Variants in LANCL2 observed in about 807,000 individuals in gnomAD.
LANCL2 encodes LanC like glutathione S-transferase 2, also known as lanC-like protein 2.
In LANCL2, 33 loss-of-function variants were observed where a neutral mutation model predicts 56.9. The ratio of observed to expected loss-of-function variants is 0.58; its 90% CI spans 0.44 to 0.78. LANCL2 has a LOEUF of 0.78. Among genes scored for constraint, LANCL2 ranks in the 30% least tolerant of loss-of-function variants. The pLI, the probability that LANCL2 is intolerant of heterozygous loss-of-function variation, is 0.00. For synonymous variants in LANCL2, 233 were observed against 228.2 expected, an observed-to-expected ratio of 1.02 and a Z score of -0.19; for missense variants, 562 against 580.2, an observed-to-expected ratio of 0.97 and a Z score of 0.32.
intron 5 of LANCL2, among the ~76,000 whole-genome samples, chr7:55,409,130 C>A (rs7776510): frequency 4.0e-5 from 6 of 149,330 alleles, no homozygotes; most frequent in Admixed American, 1.3e-4. Flanking sequence ...GCTCTGTTGC[C>A]CAGGCTGGAG....
intron 5 of LANCL2, among the ~76,000 whole-genome samples, chr7:55,402,726 G>C: frequency 7.9e-6 from 1 of 126,440 alleles, no homozygotes; most frequent in Non-Finnish European, 1.8e-5. Context: ...CCCAGACGGG[G>C]TGGCTGCCGG....
At chr7:55,371,174 C>G (rs1353649303) in intron 1 of LANCL2, among the ~76,000 whole-genome samples, 1 of 152,184 alleles carries the variant, frequency 6.6e-6, no homozygotes, top group African/African-American at 2.4e-5. Context: ...CATTTCCTCT[C>G]CTTCCTTCAA....
At chr7:55,417,180 C>T (rs897576972) in intron 6 of LANCL2, among the ~76,000 whole-genome samples, 3 of 151,982 alleles carry the variant, frequency 2.0e-5, no homozygotes, top group Admixed American at 6.6e-5. Flanking sequence ...GGGGTTTCAC[C>T]GTGTTAGCCG....
At position 55,416,972 on chromosome 7, in the gene LANCL2, T is replaced by TTTTTTTTTG. The variant is rs1361447248; in HGVS notation, c.1008+4891_1008+4892insGTTTTTTTT. On this transcript the variant is annotated intron_variant, in intron 6 of 8. Transcript: ENST00000254770. ...ACATGAGGTAACAAACGAGGTGGTT[T>TTTTTTTTTG]TTTTTTTTTTTTTTTTTTTTTTTTG... is the stretch of plus-strand genomic sequence containing the variant. Among the ~76,000 whole-genome samples the TTTTTTTTTG allele has an allele frequency of 6.7e-3, 664 of 98,788 alleles. 13 individuals are homozygous for TTTTTTTTTG. The highest frequency in any genetic ancestry group is 0.013 in the African/African-American group (312 of 24,660). The allele number at this position is 98,788 out of a possible 152,430, so 64.8% of individuals were successfully genotyped here. A position where few individuals can be genotyped will look rare whatever the true frequency, so the allele number is the denominator to read the frequency against.
intron 6 of LANCL2, among the ~76,000 whole-genome samples, chr7:55,413,334 A>T (rs1790491645): frequency 6.6e-6 from 1 of 152,230 alleles, no homozygotes; most frequent in Non-Finnish European, 1.5e-5. Context: ...GGGCCCTCTG[A>T]TACTTTTAAA....
chr7:55,409,978 A>G lies in LANCL2; in HGVS notation c.826-1929A>G, dbSNP rs530185147. Among the ~76,000 whole-genome samples the G allele has an allele frequency of 1.7e-4, 26 of 152,326 alleles. 1 individual carries two copies. In the South Asian group the frequency reaches 5.4e-3, roughly 32 times the overall value. ...TATGGATGGTGACCAGAGTGAAACT[A>G]AAAATGGTGACCAGAGTGAAATTCT... On this transcript the variant is annotated intron_variant, in intron 5 of 8. Transcript: ENST00000254770.
intron 2 of LANCL2, among the ~76,000 whole-genome samples, chr7:55,395,139 T>A (rs540564421): frequency 4.1e-4 from 63 of 152,320 alleles, no homozygotes; most frequent in African/African-American, 1.5e-3. Context: ...AAAGCTACAT[T>A]AACCATTTTC....
chr7:55,417,270 T>C (rs1583763499), intron 6 of LANCL2, among the ~76,000 whole-genome samples: 1 of 152,056 alleles, frequency 6.6e-6, no homozygotes, highest in South Asian at 2.1e-4. Flanking sequence ...TGAGCCACCG[T>C]GCCCAGCCTG....
rs376513831 is a variant in LANCL2 at position 55,400,916 on chromosome 7, C to CT, written c.679-253dup. On this transcript the variant is annotated intron_variant, in intron 4 of 8. Transcript: ENST00000254770. ...GAAGTTTTTCTAGATTTTTCGTTGA[C>CT]TTTTTATGCAAAGAATTTTTTATTT... is the stretch of plus-strand genomic sequence containing the variant. Among the ~76,000 whole-genome samples, 781 of 152,242 alleles carry CT rather than the reference C, an allele frequency of 5.1e-3. 5 individuals carry two copies. Among genetic ancestry groups the CT allele is most frequent in the Middle Eastern group, 0.027 (8 of 294 alleles).
At chr7:55,402,588 G>T (rs1790349676) in intron 5 of LANCL2, among the ~76,000 whole-genome samples, 1 of 3,102 alleles carries the variant, frequency 3.2e-4, no homozygotes, top group Non-Finnish European at 1.0e-3. Context: ...CGGGGCGGCT[G>T]GCCAGGCGGG....
intron 2 of LANCL2, among the ~76,000 whole-genome samples, chr7:55,392,333 C>CGTT (rs1436249597): frequency 2.2e-5 from 3 of 136,270 alleles, no homozygotes; most frequent in African/African-American, 8.2e-5. Flanking sequence ...TTTTTTTTTT[C>CGTT]TTTTTTTTTT....
intron 7 of LANCL2, among the ~76,000 whole-genome samples, 169 bp downstream of exon 7, chr7:55,425,599 T>TA (rs1179377012): frequency 2.6e-5 from 4 of 152,172 alleles, no homozygotes; most frequent in Non-Finnish European, 1.5e-5. Context: ...GGCCACAGTG[T>TA]CCCTGTCTGT....
intron 1 of LANCL2, among the ~76,000 whole-genome samples, chr7:55,371,735 A>G (rs1242049817): frequency 6.6e-6 from 1 of 152,176 alleles, no homozygotes; most frequent in African/African-American, 2.4e-5. Flanking sequence ...ATTTGATACA[A>G]TCTTAAGCTA....
intron 1 of LANCL2, among the ~76,000 whole-genome samples, chr7:55,374,434 G>A (rs1169168221): frequency 1.3e-5 from 2 of 152,128 alleles, no homozygotes; most frequent in African/African-American, 4.8e-5. Flanking sequence ...GCAAAATAGC[G>A]TTATCTTGAT....
intron 6 of LANCL2, among the ~76,000 whole-genome samples, chr7:55,412,376 T>A (rs1435996165): frequency 6.6e-6 from 1 of 152,036 alleles, no homozygotes; most frequent in African/African-American, 2.4e-5. Context: ...TTCATTCTAA[T>A]GAGTATGGAT....
In LANCL2 at chr7:55,412,811, A is replaced by G. The variant is rs547142163; in HGVS notation, c.1008+722A>G. On this transcript the variant is annotated intron_variant, in intron 6 of 8. Coordinates refer to ENST00000254770, the MANE Select transcript of LANCL2 (RefSeq NM_018697.4). ...CATCAGAGTATATAGCTGTAACACA[A>G]TGATTGCTCTGTTCAACACAGTATT... is the stretch of plus-strand genomic sequence containing the variant. Among the ~76,000 whole-genome samples, 7 of 152,360 alleles carry G rather than the reference A, an allele frequency of 4.6e-5. No homozygotes were observed. In the East Asian group the frequency reaches 7.7e-4, roughly 17 times the overall value.
intron 5 of LANCL2, among the ~76,000 whole-genome samples, chr7:55,405,734 G>T (rs1407522733): frequency 2.6e-5 from 4 of 151,842 alleles, no homozygotes; most frequent in Non-Finnish European, 5.9e-5. Flanking sequence ...CATGTGTTTA[G>T]GCTGATTTTG....
chr7:55,365,961 G>GCGGGGCGAGCTGCAGCGC lies in LANCL2; in HGVS notation c.-60_-43dup. ...GCGCGGGCCCTCGGAGGAGGCGGCG[G>GCGGGGCGAGCTGCAGCGC]CGGGGCGAGCTGCAGCGCCGGGACA... On this transcript the variant is annotated 5_prime_UTR_variant, in exon 1 of 9. Coordinates refer to ENST00000254770, the MANE Select transcript of LANCL2 (RefSeq NM_018697.4). 7.9e-7 allele frequency: 1 copy of GCGGGGCGAGCTGCAGCGC among 1,272,042 alleles called. No individual in the cohort carries two copies. Among genetic ancestry groups the GCGGGGCGAGCTGCAGCGC allele is most frequent in the Non-Finnish European group, 1.0e-6 (1 of 967,504 alleles). 78.8% of individuals were successfully genotyped at this position (1,272,042 alleles called of 1,614,324 possible). A position where few individuals can be genotyped will look rare whatever the true frequency, so the allele number is the denominator to read the frequency against.
intron 5 of LANCL2, chr7:55,411,538 G>A (rs1456513125): frequency 6.0e-6 from 1 of 166,060 alleles, no homozygotes; most frequent in Non-Finnish European, 1.3e-5. Context: ...GAGAAGAGGG[G>A]TACCTGGCTT....
Sources: allele counts gnomAD v4.1 joint callset (sites outside exome capture counted in the v4.1 genomes callset), GRCh38; gene constraint gnomAD v4.1.1; transcripts MANE v1.5; gene names NCBI Gene and HGNC (gene_info 2026-07-23, HGNC 2026-07-21).